Variants in CSMD3 observed in about 807,000 individuals in gnomAD.
CSMD3 encodes the protein CUB and Sushi multiple domains 3, also known as CUB and sushi domain-containing protein 3.
Under a neutral mutation model 435.2 loss-of-function variants are expected in CSMD3, and 177 were observed. The observed-to-expected ratio is 0.41, with a 90% CI of 0.36 to 0.46. The LOEUF is 0.46. Ranked by LOEUF, CSMD3 falls within the 20% of genes least tolerant of loss-of-function variation. The pLI, the probability that CSMD3 is intolerant of heterozygous loss-of-function variation, is 0.34. For missense variants in CSMD3, 4,265 were observed against 4,504.6 expected, an observed-to-expected ratio of 0.95 and a Z score of 1.52; for synonymous variants, 1,656 against 1,520.5, an observed-to-expected ratio of 1.09 and a Z score of -2.07.
intron 10 of CSMD3, among the ~76,000 whole-genome samples, chr8:112,881,778 A>G (rs1346173761): frequency 1.3e-5 from 2 of 152,034 alleles, no homozygotes; most frequent in Admixed American, 6.6e-5. Context: ...AAGGGAAATA[A>G]AGGAAAGAGA....
intron 1 of CSMD3, among the ~76,000 whole-genome samples, chr8:113,423,722 C>T (rs926815971): frequency 3.3e-5 from 5 of 151,708 alleles, no homozygotes; most frequent in Admixed American, 6.6e-5. Context: ...TTAAATAGGT[C>T]GTCTTTATGT....
chr8:112,570,819 G>C (rs1039963061), intron 24 of CSMD3, among the ~76,000 whole-genome samples: 4 of 152,058 alleles, frequency 2.6e-5, no homozygotes, highest in African/African-American at 9.7e-5. Context: ...CTTGGAAGTA[G>C]GCTATAAACA....
intron 59 of CSMD3, among the ~76,000 whole-genome samples, chr8:112,274,259 A>C (rs903913110): frequency 6.6e-6 from 1 of 152,150 alleles, no homozygotes; most frequent in African/African-American, 2.4e-5. Context: ...AAAACAATGG[A>C]CATTAGGCAA....
At chr8:112,651,479 C>T (rs939169344) in intron 18 of CSMD3, among the ~76,000 whole-genome samples, 17 of 151,572 alleles carry the variant, frequency 1.1e-4, no homozygotes, top group African/African-American at 3.6e-4. Context: ...TTCAACACAT[C>T]TACTTTTATC....
At chr8:112,452,947 T>G (rs1336982112) in intron 32 of CSMD3, among the ~76,000 whole-genome samples, 1 of 152,180 alleles carries the variant, frequency 6.6e-6, no homozygotes, top group Non-Finnish European at 1.5e-5. Context: ...CTAAATGATG[T>G]TATTGCAAAT....
At chr8:113,362,986 C>T (rs887556962) in intron 1 of CSMD3, among the ~76,000 whole-genome samples, 43 of 152,286 alleles carry the variant, frequency 2.8e-4, no homozygotes, top group African/African-American at 1.0e-3. Context: ...AAAAATACTG[C>T]TCAGCCCAGC....
chr8:113,134,738 T>C (rs1351427487), intron 4 of CSMD3, among the ~76,000 whole-genome samples: 2 of 152,072 alleles, frequency 1.3e-5, no homozygotes, highest in Non-Finnish European at 2.9e-5. Flanking sequence ...CTTAGTCTGC[T>C]TTATGTTACT....
Position 112,913,166 on chromosome 8 carries a change from C to T in CSMD3, c.1633+8461G>A, listed in dbSNP as rs139228577. ...CCTAGTACCCTAGAGCAGTGGTCCCCAACCTTTTAGGCACCAGGGACTGGT... is the reference window on the plus strand; with the variant it reads ...CCTAGTACCCTAGAGCAGTGGTCCCTAACCTTTTAGGCACCAGGGACTGGT... On this transcript the variant is annotated intron_variant, in intron 10 of 70. Coordinates refer to ENST00000297405, the MANE Select transcript of CSMD3 (RefSeq NM_198123.2). Among the ~76,000 whole-genome samples the T allele has an allele frequency of 3.3e-3, 499 of 152,054 alleles. 4 individuals carry two copies. Among genetic ancestry groups the T allele is most frequent in the African/African-American group, 0.01 (434 of 41,512 alleles).
At chr8:112,935,501 T>C (rs1587709458) in intron 9 of CSMD3, among the ~76,000 whole-genome samples, 1 of 152,138 alleles carries the variant, frequency 6.6e-6, no homozygotes, top group African/African-American at 2.4e-5. Flanking sequence ...ATGGTTAGTA[T>C]AGACACTTTT....
intron 13 of CSMD3, among the ~76,000 whole-genome samples, chr8:112,745,037 G>A (rs2077396079): frequency 6.6e-6 from 1 of 152,094 alleles, no homozygotes; most frequent in South Asian, 2.1e-4. Context: ...CGTAGTTAGT[G>A]CAAAATGAAG....
At chr8:112,901,442 G>A (rs2082106943) in intron 10 of CSMD3, among the ~76,000 whole-genome samples, 1 of 151,266 alleles carries the variant, frequency 6.6e-6, no homozygotes, top group Non-Finnish European at 1.5e-5. Flanking sequence ...TACTACCCCA[G>A]ACTGAGTTTA....
In CSMD3 at chr8:112,839,872, A is replaced by G. The variant is rs191246663; in HGVS notation, c.1756-10083T>C. On this transcript the variant is annotated intron_variant, in intron 11 of 70. Transcript: ENST00000297405. The stretch of plus-strand genomic sequence containing the variant: ...ACTTTCATATATAATGAACCATGCA[A>G]TGAGTTTTAATTCCAGCCTCAGTTT... 6.2e-4 allele frequency among the ~76,000 whole-genome samples: 94 copies of G among 151,894 alleles called. 2 individuals carry two copies. The East Asian group carries it at 0.01, about 17-fold the overall frequency.
At chr8:112,309,445 ATATAT>A (rs1821748820) in intron 50 of CSMD3, among the ~76,000 whole-genome samples, 1 of 151,834 alleles carries the variant, frequency 6.6e-6, no homozygotes, top group South Asian at 2.1e-4. Context: ...TTTAAAATAT[ATATAT>A]TATAAGCTTA....
Position 112,228,765 on chromosome 8 carries a change from T to C in CSMD3, c.10955A>G (p.Tyr3652Cys). 1.3e-6 allele frequency: 2 copies of C among 1,597,388 alleles called. No individual in the cohort carries two copies. The highest frequency in any genetic ancestry group is 1.7e-6 in the Non-Finnish European group (2 of 1,165,596). ...LIFAGFGFYL[Y>C]KQRTAPKTQY... ...AAATCAATGAGCTTACCTTTGTTTA[T>C]AAAGATAAAATCCAAATCCTGCAAA... Residue 3652 changes from tyrosine to cysteine, a missense_variant, in exon 70 of 71, where the codon TAT becomes TGT. This residue lies in a region of CSMD3 where 3,255 missense variants were observed against 3,380.2 expected (regional missense o/e 0.96). Transcript: ENST00000297405.
chr8:112,471,324 TAA>T (rs1818501096), intron 32 of CSMD3, among the ~76,000 whole-genome samples: 1 of 152,122 alleles, frequency 6.6e-6, no homozygotes, highest in African/African-American at 2.4e-5. Context: ...CTGGGGAGCA[TAA>T]AACTCTCTAG....
At chr8:112,928,895 G>A (rs1442908046) in intron 9 of CSMD3, among the ~76,000 whole-genome samples, 38 of 138,786 alleles carry the variant, frequency 2.7e-4, no homozygotes, top group Non-Finnish European at 4.3e-4. Flanking sequence ...CTAGTTTACA[G>A]TCCCACCAAC....
chr8:112,385,400 C>T (rs1829846540), intron 36 of CSMD3, among the ~76,000 whole-genome samples: 1 of 152,082 alleles, frequency 6.6e-6, no homozygotes, highest in African/African-American at 2.4e-5. Context: ...AGGGGAGAAA[C>T]TCAATAAAAA....
At chr8:112,458,355 C>T (rs1237036211) in intron 32 of CSMD3, among the ~76,000 whole-genome samples, 1 of 151,948 alleles carries the variant, frequency 6.6e-6, no homozygotes, top group African/African-American at 2.4e-5. Flanking sequence ...ATGTCCCTGT[C>T]CTCTCACCCA....
In CSMD3 at chr8:112,870,429, C is replaced by T. The variant is rs530032519; in HGVS notation, c.1634-11163G>A. On this transcript the variant is annotated intron_variant, in intron 10 of 70. Transcript: ENST00000297405. ...GACTACAGGTGCCTGCCACCACATC[C>T]GGCTAATTTTTTGCATTTTTTTTTT... Among the ~76,000 whole-genome samples, 32 of 151,424 alleles carry T rather than the reference C, an allele frequency of 2.1e-4. No homozygotes were observed. In the South Asian group the frequency reaches 4.4e-3, roughly 21 times the overall value.
Sources: gnomAD v4.1 joint callset for allele counts (sites outside exome capture counted in the v4.1 genomes callset) on GRCh38, gnomAD v4.1.1 for gene constraint, gnomAD v4.1.1 regional missense constraint, MANE v1.5 for transcripts, NCBI Gene and HGNC (gene_info 2026-07-23, HGNC 2026-07-21) for gene names.